The following PML variants were observed in gnomAD, a reference collection of about 807,000 sequenced individuals.
PML encodes protein PML.
PML carries 28 observed loss-of-function variants against 65.2 expected under a neutral mutation model. The observed-to-expected ratio is 0.43, with a 90% CI of 0.32 to 0.59. The LOEUF (loss-of-function observed/expected upper bound fraction) is 0.59, where lower values mean the gene tolerates loss of function less well. PML is among the 20% of genes least tolerant of loss of function. PML has a pLI of 0.08. For synonymous variants in PML, 500 were observed against 508.8 expected, an observed-to-expected ratio of 0.98 and a Z score of 0.23; for missense variants, 1,021 against 1,203.4, an observed-to-expected ratio of 0.85 and a Z score of 2.24.
Position 74,044,819 on chromosome 15 carries a change from G to A in PML, c.2460G>A (p.Leu820=), listed in dbSNP as rs2071754818. The A allele has an allele frequency of 1.2e-6, 2 of 1,613,080 alleles. No individual in the cohort carries two copies. The highest frequency in any genetic ancestry group is 2.7e-5 in the African/African-American group (2 of 74,950). The part of the protein sequence containing the change: ...SAHRRDRQGG[L]KKYSRYLSLQ... ...ACCGCCGTGACCGGCAGGGGGGCCT[G>A]AAGAAGTACAGCCGCTATCTAAGCC... Residue 820 remains leucine, a synonymous_variant, in exon 9 of 9, where the codon CTG becomes CTA. Coordinates refer to ENST00000268058, the MANE Select transcript of PML (RefSeq NM_033238.3).
intron 2 of PML, among the ~76,000 whole-genome samples, chr15:74,013,103 C>T (rs2070407626): frequency 6.6e-6 from 1 of 152,098 alleles, no homozygotes; most frequent in African/African-American, 2.4e-5. Context: ...ACCAAGCTGT[C>T]TTGGTGTTTA....
rs767279397 is a variant in PML, at chr15:73,998,013, G to A, written c.139G>A (p.Ala47Thr). 3.1e-6 allele frequency: 5 copies of A among 1,611,930 alleles called. No homozygotes were observed. The highest frequency in any genetic ancestry group is 1.7e-5 in the Admixed American group (1 of 60,008). ...CTCTCTGGTCCCCCAGCGAGCCCCCGCTTCGGAGGAGGAGTTCCAGTTTCT... is the reference window on the plus strand; with the variant it reads ...CTCTCTGGTCCCCCAGCGAGCCCCCACTTCGGAGGAGGAGTTCCAGTTTCT... ...PSPSPTERAP[A>T]SEEEFQFLRC... Residue 47 changes from alanine (A) to threonine (T), a missense_variant, in exon 2 of 9, where the codon GCT becomes ACT. Ala to Thr is a moderately conservative substitution (Grantham distance 58, BLOSUM62 0). Transcript: ENST00000268058.
At chr15:74,012,010 G>A (rs1019159761) in intron 2 of PML, among the ~76,000 whole-genome samples, 2 of 152,160 alleles carry the variant, frequency 1.3e-5, no homozygotes, top group African/African-American at 4.8e-5. Context: ...AAGTAAGCAT[G>A]CAATTTAAGC....
chr15:74,033,878 T>G, intron 6 of PML: 2 of 451,054 alleles, frequency 4.4e-6, no homozygotes, highest in Admixed American at 3.8e-5. Flanking sequence ...AGTTATCTTC[T>G]ATGAACACTG....
Position 74,037,777 on chromosome 15 carries a change from T to TCCAGCAGCAAA in PML, c.1710+3249_1710+3250insAGCAGCAAACC. On this transcript the variant is annotated intron_variant, in intron 7 of 8. Transcript: ENST00000268058. The surrounding 1 kb of genome is among the most constrained non-coding windows in gnomAD (Gnocchi z 4.2). ...CTCTGTTTTTTCTTGGTTGTGGTGC[T>TCCAGCAGCAAA]CCTGCAGGTTTGCTGCTGGGCCCTT... 1.1e-6 allele frequency: 1 copy of TCCAGCAGCAAA among 932,018 alleles called. No homozygotes were observed. The highest frequency in any genetic ancestry group is 1.3e-6 in the Non-Finnish European group (1 of 781,128). 57.7% of individuals were successfully genotyped at this position (932,018 alleles called of 1,614,324 possible).
chr15:74,045,024 A>T lies in PML; in HGVS notation c.*16A>T, dbSNP rs772584621. On this transcript the variant is annotated 3_prime_UTR_variant, in exon 9 of 9. Coordinates refer to ENST00000268058, the MANE Select transcript of PML (RefSeq NM_033238.3). ...GCAGAGCTGAGAGGAGGGGGTGACCAGCTTGGAGTCTCTGGTGGGCAGAGA... is the reference window on the plus strand; with the variant it reads ...GCAGAGCTGAGAGGAGGGGGTGACCTGCTTGGAGTCTCTGGTGGGCAGAGA... The T allele has an allele frequency of 5.7e-6, 9 of 1,581,306 alleles. No individual in the cohort carries two copies. The South Asian group carries it at 7.9e-5, about 14-fold the overall frequency.
chr15:74,032,871 G>C (rs1318274450), intron 5 of PML, among the ~76,000 whole-genome samples, 156 bp downstream of exon 5: 1 of 152,214 alleles, frequency 6.6e-6, no homozygotes, highest in Non-Finnish European at 1.5e-5. Context: ...CCCTGTTCTT[G>C]GCTGCATGGT....
chr15:73,995,174 TTC>T lies in PML; in HGVS notation c.129+236_129+237del, dbSNP rs1348602271. On this transcript the variant is annotated intron_variant, in intron 1 of 8. Transcript: ENST00000268058. ...TGGGGCGGCCTCGCTGGGCTGCGGT[TTC>T]TCCACTGAGCAGTTGGGCAAGGTGA... Among the ~76,000 whole-genome samples the T allele has an allele frequency of 2.6e-5, 4 of 152,306 alleles. No individual in the cohort carries two copies. In the East Asian group the frequency reaches 7.7e-4, roughly 29 times the overall value.
chr15:74,027,435 C>T (rs1342485135), intron 4 of PML: 1 of 152,070 alleles, frequency 6.6e-6, no homozygotes, highest in Non-Finnish European at 1.5e-5. Flanking sequence ...GCCTATAATC[C>T]CAGGTACTCA....
intron 2 of PML, among the ~76,000 whole-genome samples, chr15:74,008,607 C>T (rs1267987169): frequency 1.3e-5 from 2 of 151,978 alleles, no homozygotes; most frequent in African/African-American, 4.8e-5. Flanking sequence ...GGCGTGGTGG[C>T]GGGTGCCTGT....
chr15:74,019,735 C>G (rs1030813638), intron 2 of PML, among the ~76,000 whole-genome samples: 6 of 152,196 alleles, frequency 3.9e-5, no homozygotes, highest in African/African-American at 1.4e-4. Flanking sequence ...ATTGAACACT[C>G]ATTGTATGCC....
Position 74,045,404 on chromosome 15 carries a change from T to C in PML, c.*396T>C, listed in dbSNP as rs918468286. 2 of 289,910 alleles carry C rather than the reference T, an allele frequency of 6.9e-6. No homozygotes were observed. The highest frequency in any genetic ancestry group is 1.8e-4 in the South Asian group (2 of 11,136). 18.0% of individuals were successfully genotyped at this position (289,910 alleles called of 1,614,324 possible). On this transcript the variant is annotated 3_prime_UTR_variant, in exon 9 of 9. Transcript: ENST00000268058. Reference sequence around the variant, plus strand: ...CCAGCCCCTGCCCCTGGACACCTGCTGACAGCTCCCACACAGAACAGTCTG... The same window carrying C: ...CCAGCCCCTGCCCCTGGACACCTGCCGACAGCTCCCACACAGAACAGTCTG...
intron 4 of PML, chr15:74,025,275 A>G (rs1441813824): frequency 5.5e-6 from 2 of 365,688 alleles, no homozygotes; most frequent in African/African-American, 4.2e-5. Context: ...ATGAGAAACT[A>G]TGGTTGTCAG....
intron 6 of PML, 92 bp downstream of exon 6, chr15:74,033,506 C>T (rs1567136119): frequency 7.2e-7 from 1 of 1,396,332 alleles, no homozygotes; most frequent in Admixed American, 1.7e-5. Context: ...CCAGAAAGCC[C>T]AAAGCCAACA....
chr15:74,032,619 G>A lies in PML; in HGVS notation c.1302G>A (p.Leu434=), dbSNP rs1359342225. 6.2e-7 allele frequency: 1 copy of A among 1,614,054 alleles called. No individual in the cohort carries two copies. Among genetic ancestry groups the A allele is most frequent in the South Asian group, 1.1e-5 (1 of 91,088 alleles). ...RVKAQVQALG[L]AEAQPMAVVQ... is the part of the protein sequence containing the mutation. Reference sequence around the variant, plus strand: ...AGGCCCAGGTTCAGGCCCTGGGGCTGGCTGAAGCCCAGCCTATGGCTGTGG... The same window carrying A: ...AGGCCCAGGTTCAGGCCCTGGGGCTAGCTGAAGCCCAGCCTATGGCTGTGG... Residue 434 remains leucine, a synonymous_variant, in exon 5 of 9, where the codon CTG becomes CTA. Coordinates refer to ENST00000268058, the MANE Select transcript of PML (RefSeq NM_033238.3).
intron 7 of PML, chr15:74,036,491 T>A (rs1194380824): frequency 2.5e-6 from 3 of 1,193,834 alleles, no homozygotes; most frequent in African/African-American, 1.5e-5. Flanking sequence ...AACTCAGTTC[T>A]CCTCTGGGGA....
chr15:74,031,343 C>T (rs932771177), intron 4 of PML: 39 of 405,656 alleles, frequency 9.6e-5, no homozygotes, highest in African/African-American at 5.8e-4. Context: ...GACACAATCT[C>T]GGCTCACTGC....
chr15:74,016,276 AAAAT>A (rs1301025441), intron 2 of PML, among the ~76,000 whole-genome samples: 2 of 152,018 alleles, frequency 1.3e-5, no homozygotes, highest in East Asian at 1.9e-4. Context: ...ACTCCATCTC[AAAAT>A]AAATAAATAA....
chr15:74,012,014 T>C (rs1472535999), intron 2 of PML, among the ~76,000 whole-genome samples: 1 of 152,214 alleles, frequency 6.6e-6, no homozygotes, highest in Non-Finnish European at 1.5e-5. Flanking sequence ...AAGCATGCAA[T>C]TTAAGCAATG....
Sources: allele counts gnomAD v4.1 joint callset (sites outside exome capture counted in the v4.1 genomes callset), GRCh38; gene constraint gnomAD v4.1.1; non-coding constraint Gnocchi (gnomAD v3.1); transcripts MANE v1.5; gene names NCBI Gene and HGNC (gene_info 2026-07-23, HGNC 2026-07-21).